B4GALT2: variants seen among roughly 807,000 people sequenced by gnomAD.
B4GALT2 encodes the protein N-acetyllactosamine synthase.
Under a neutral mutation model 33.2 loss-of-function variants are expected in B4GALT2, and 18 were observed. The ratio of observed to expected loss-of-function variants is 0.54; its 90% CI spans 0.38 to 0.80. The LOEUF is 0.80. Among genes scored for constraint, B4GALT2 ranks in the 30% least tolerant of loss-of-function variants. The pLI is 0.00. For synonymous variants in B4GALT2, 214 were observed against 217.6 expected (o/e 0.98, Z 0.15); for missense variants, 404 against 526.2 (o/e 0.77, Z 2.27).
At position 43,981,237 on chromosome 1, in the gene B4GALT2, T is replaced by A; in HGVS notation, c.77T>A (p.Val26Glu). Residue 26 changes from valine (V) to glutamate (E), a missense_variant, in exon 2 of 7, where the codon GTG becomes GAG. Coordinates refer to ENST00000372324, the MANE Select transcript of B4GALT2 (RefSeq NM_003780.5). This position sits in a 1 kb window ranked among gnomAD's most constrained non-coding sequence, Gnocchi z 8.1. ...VLLLCLLHFL[V>E]AVILYFDVYA... ...CTTCTCTGCCTGCTGCACTTCCTCGTGGCCGTCATCCTCTACTTTGACGTC... is the reference window on the plus strand; with the variant it reads ...CTTCTCTGCCTGCTGCACTTCCTCGAGGCCGTCATCCTCTACTTTGACGTC... The A allele has an allele frequency of 6.2e-7, 1 of 1,606,156 alleles. No individual in the cohort carries two copies. The highest frequency in any genetic ancestry group is 8.5e-7 in the Non-Finnish European group (1 of 1,179,890).
chr1:43,988,651 C>T (rs116767427), intron 6 of B4GALT2, among the ~76,000 whole-genome samples: 126 of 151,962 alleles, frequency 8.3e-4, no homozygotes, highest in African/African-American at 2.6e-3. Flanking sequence ...TCCTGGGCAA[C>T]AGAGCAAGAC....
chr1:43,985,851 A>G (rs972067240), intron 6 of B4GALT2: 11 of 588,378 alleles, frequency 1.9e-5, no homozygotes, highest in Non-Finnish European at 3.0e-5. Flanking sequence ...CCTCAGCCCA[A>G]TATCTCTGAC....
chr1:43,990,674 C>T lies in B4GALT2; in HGVS notation c.*226C>T. ...TGTGGCCCTCTTTGGAGTCAACCCT[C>T]CTTCCCGACCCCCTCCCCCTAGCCC... is the stretch of plus-strand genomic sequence containing the variant. On this transcript the variant is annotated 3_prime_UTR_variant, in exon 7 of 7. Coordinates refer to ENST00000372324, the MANE Select transcript of B4GALT2 (RefSeq NM_003780.5). The T allele has an allele frequency of 1.7e-6, 1 of 591,142 alleles. No homozygotes were observed. Among genetic ancestry groups the T allele is most frequent in the Non-Finnish European group, 2.9e-6 (1 of 340,414 alleles). 36.6% of individuals were successfully genotyped at this position (591,142 alleles called of 1,614,324 possible). A position where few individuals can be genotyped will look rare whatever the true frequency, so the allele number is the denominator to read the frequency against.
Position 43,985,442 on chromosome 1 carries a change from G to A in B4GALT2, c.863+42G>A, listed in dbSNP as rs1271039583. 202 of 420,404 alleles carry A rather than the reference G, an allele frequency of 4.8e-4. 9 individuals carry two copies. Among genetic ancestry groups the A allele is most frequent in the South Asian group, 1.8e-3 (61 of 33,610 alleles). 26.0% of individuals were successfully genotyped at this position (420,404 alleles called of 1,614,324 possible). On this transcript the variant is annotated intron_variant, in intron 5 of 6. Transcript: ENST00000372324. ...TGGGGAATAGGCTGGGTGGGGGGGG[G>A]AGGGGGGGTGCAGACTGGGTGGGGT...
rs376023144 is a variant in B4GALT2 at position 43,983,356 on chromosome 1, G to C, written c.549+1432G>C. On this transcript the variant is annotated intron_variant, in intron 3 of 6. Coordinates refer to ENST00000372324, the MANE Select transcript of B4GALT2 (RefSeq NM_003780.5). ...AAGAGGCCGCTACAGAGGCCGAGAG[G>C]CTTGGCCAGAAGGGCTGGAGGAGAC... 2.2e-3 allele frequency among the ~76,000 whole-genome samples: 340 copies of C among 152,346 alleles called. 1 individual carries two copies. The highest frequency in any genetic ancestry group is 7.8e-3 in the African/African-American group (324 of 41,578).
At chr1:43,985,856 T>C (rs1176175759) in intron 6 of B4GALT2, 8 of 585,662 alleles carry the variant, frequency 1.4e-5, no homozygotes, top group Non-Finnish European at 2.1e-5. Flanking sequence ...GCCCAATATC[T>C]CTGACCTCTG....
At position 43,982,331 on chromosome 1, in the gene B4GALT2, T is replaced by C. The variant is rs974165538; in HGVS notation, c.549+407T>C. On this transcript the variant is annotated intron_variant, in intron 3 of 6. Transcript: ENST00000372324. This position sits in a 1 kb window ranked among gnomAD's most constrained non-coding sequence, Gnocchi z 4.3. Reference sequence around the variant, plus strand: ...CAGCTCAGCATCTTAAGGCCTTTGGTGGACCTGGCTAGGGCTGGCCACTAG... The same window carrying C: ...CAGCTCAGCATCTTAAGGCCTTTGGCGGACCTGGCTAGGGCTGGCCACTAG... Among the ~76,000 whole-genome samples the C allele has an allele frequency of 6.6e-6, 1 of 151,868 alleles. No homozygotes were observed. Among genetic ancestry groups the C allele is most frequent in the Admixed American group, 6.6e-5 (1 of 15,262 alleles).
intron 1 of B4GALT2, chr1:43,980,070 A>T (rs1237304373): frequency 6.7e-7 from 1 of 1,484,716 alleles, no homozygotes; most frequent in Non-Finnish European, 8.9e-7. Context: ...TTAGTGTGTT[A>T]CTGTCACCCG....
rs751687755 is a variant in B4GALT2 at position 43,981,427 on chromosome 1, C to T, written c.267C>T (p.Pro89=). The T allele has an allele frequency of 6.3e-7, 1 of 1,593,842 alleles. No individual in the cohort carries two copies. Among genetic ancestry groups the T allele is most frequent in the Non-Finnish European group, 8.5e-7 (1 of 1,176,154 alleles). The change falls in exon 2 of 7, where the codon CCC becomes CCT. Residue 89 remains proline, a synonymous_variant. Transcript: ENST00000372324. This position sits in a 1 kb window ranked among gnomAD's most constrained non-coding sequence, Gnocchi z 8.1. ...LPEVPSALPG[P]TAPTLPPCPD... is the part of the protein sequence containing the mutation. ...AGGTCCCCAGTGCCCTGCCCGGTCC[C>T]ACGGCTCCCACGCTGCCACCCTGTC...
chr1:43,987,081 C>T (rs2085666894), intron 6 of B4GALT2, among the ~76,000 whole-genome samples: 1 of 152,096 alleles, frequency 6.6e-6, no homozygotes, highest in Non-Finnish European at 1.5e-5. Flanking sequence ...CTGATGAAAA[C>T]TATGGTCAGC....
rs926762942 is a variant in B4GALT2, at chr1:43,989,616, A to G, written c.969-682A>G. Among the ~76,000 whole-genome samples, 31 of 152,314 alleles carry G rather than the reference A, an allele frequency of 2.0e-4. No homozygotes were observed. In the East Asian group the frequency reaches 4.4e-3, roughly 22 times the overall value. ...CATCCATGTTCACCTTGGGGTGGAG[A>G]CTTAATATTTAAATATATCGCAGTT... On this transcript the variant is annotated intron_variant, in intron 6 of 6. Coordinates refer to ENST00000372324, the MANE Select transcript of B4GALT2 (RefSeq NM_003780.5).
rs1283471202 is a variant in B4GALT2, at chr1:43,982,159, G to A, written c.549+235G>A. On this transcript the variant is annotated intron_variant, in intron 3 of 6. Coordinates refer to ENST00000372324, the MANE Select transcript of B4GALT2 (RefSeq NM_003780.5). This position sits in a 1 kb window ranked among gnomAD's most constrained non-coding sequence, Gnocchi z 4.3. ...GAGCCCCACTCTCTACCCTTGGCAG[G>A]CCTCACCCCATGGTGGTGCAGGCCT... is the stretch of plus-strand genomic sequence containing the variant. Among the ~76,000 whole-genome samples the A allele has an allele frequency of 6.6e-6, 1 of 152,220 alleles. No homozygotes were observed. Among genetic ancestry groups the A allele is most frequent in the African/African-American group, 2.4e-5 (1 of 41,456 alleles).
chr1:43,990,291 T>C lies in B4GALT2; in HGVS notation c.969-7T>C. On this transcript the variant is annotated splice_polypyrimidine_tract_variant and splice_region_variant and intron_variant, in intron 6 of 6. Coordinates refer to ENST00000372324, the MANE Select transcript of B4GALT2 (RefSeq NM_003780.5). ...GCCCTGATGTGGACCATTTCCATCC[T>C]ATCTAGGTTTACCAAGATTCAAAAC... The C allele has an allele frequency of 1.2e-6, 2 of 1,614,128 alleles. No individual in the cohort carries two copies.
At chr1:43,983,555 C>T (rs2085623911) in intron 3 of B4GALT2, among the ~76,000 whole-genome samples, 1 of 151,982 alleles carries the variant, frequency 6.6e-6, no homozygotes, top group Non-Finnish European at 1.5e-5. Flanking sequence ...GGGGCGGAAG[C>T]AGATTGCAGT....
chr1:43,985,410 C>T lies in B4GALT2; in HGVS notation c.863+10C>T, dbSNP rs765731314. On this transcript the variant is annotated intron_variant, in intron 5 of 6. Transcript: ENST00000372324. The stretch of plus-strand genomic sequence containing the variant: ...ATGACATCTTCAACCGGTGAGTAAG[C>T]ACGCGGTGGGGAATAGGCTGGGTGG... 9 of 1,176,910 alleles carry T rather than the reference C, an allele frequency of 7.6e-6. No individual in the cohort carries two copies. In the South Asian group the frequency reaches 7.7e-5, roughly 10 times the overall value. The allele number at this position is 1,176,910 out of a possible 1,614,324, so 72.9% of individuals were successfully genotyped here.
At chr1:43,989,492 T>C (rs1571810730) in intron 6 of B4GALT2, among the ~76,000 whole-genome samples, 1 of 152,204 alleles carries the variant, frequency 6.6e-6, no homozygotes. Flanking sequence ...ATAGGAATTT[T>C]AGTTGAATGG....
At chr1:43,985,811 CT>C (rs1460507126) in intron 6 of B4GALT2, 190 bp downstream of exon 6, 12 of 616,916 alleles carry the variant, frequency 1.9e-5, no homozygotes, top group South Asian at 3.8e-5. Flanking sequence ...GCTGGCACCC[CT>C]GATCGTTGTC....
chr1:43,982,640 T>C lies in B4GALT2; in HGVS notation c.549+716T>C, dbSNP rs2085613315. On this transcript the variant is annotated intron_variant, in intron 3 of 6. Transcript: ENST00000372324. This position sits in a 1 kb window ranked among gnomAD's most constrained non-coding sequence, Gnocchi z 4.3. ...GATAACTGGCCTCGTGTTCACGAAC[T>C]ATTGGCTGAGGTGTGGTGTCCAGCA... Among the ~76,000 whole-genome samples the C allele has an allele frequency of 6.6e-6, 1 of 152,188 alleles. No individual in the cohort carries two copies. Among genetic ancestry groups the C allele is most frequent in the South Asian group, 2.1e-4 (1 of 4,832 alleles).
intron 6 of B4GALT2, among the ~76,000 whole-genome samples, chr1:43,989,320 C>CA (rs34161254): frequency 0.17 from 20,477 of 118,054 alleles, 3,182 homozygotes; most frequent in African/African-American, 0.41. Context: ...TACTCTGTCT[C>CA]AAAAAAAAAA....
Sources: gnomAD v4.1 joint callset for allele counts (sites outside exome capture counted in the v4.1 genomes callset) on GRCh38, gnomAD v4.1.1 for gene constraint, Gnocchi (gnomAD v3.1) non-coding constraint, MANE v1.5 for transcripts, NCBI Gene and HGNC (gene_info 2026-07-23, HGNC 2026-07-21) for gene names.